Variants in SAP30BP observed in about 807,000 individuals in gnomAD.
SAP30BP encodes SAP30-binding protein.
Under a neutral mutation model 46.3 loss-of-function variants are expected in SAP30BP, and 31 were observed. That is an observed-to-expected ratio of 0.67 (90% CI 0.50 to 0.90). The LOEUF is 0.90. Among genes scored for constraint, SAP30BP ranks in the 40% least tolerant of loss-of-function variants. The pLI is 0.00. For missense variants in SAP30BP, 312 were observed against 391.0 expected, an observed-to-expected ratio of 0.80 and a Z score of 1.70; for synonymous variants, 169 against 144.2, an observed-to-expected ratio of 1.17 and a Z score of -1.23.
At chr17:75,672,394 C>T (rs970471372) in intron 3 of SAP30BP, among the ~76,000 whole-genome samples, 17 of 152,208 alleles carry the variant, frequency 1.1e-4, no homozygotes, top group Non-Finnish European at 1.9e-4. Flanking sequence ...TGGTCTTTTT[C>T]GGAACAACAT....
intron 1 of SAP30BP, among the ~76,000 whole-genome samples, 186 bp from the exon 2 acceptor site, chr17:75,668,330 A>G (rs1162239076): frequency 6.6e-6 from 1 of 152,236 alleles, no homozygotes; most frequent in Non-Finnish European, 1.5e-5. Flanking sequence ...GATTTTATTC[A>G]GTAAATGCTG....
chr17:75,679,907 AACATC>A (rs965542966), intron 3 of SAP30BP: 4 of 152,160 alleles, frequency 2.6e-5, no homozygotes, highest in African/African-American at 9.7e-5. Context: ...TTGGCACCCG[AACATC>A]CCTTTCGCCA....
intron 3 of SAP30BP, among the ~76,000 whole-genome samples, chr17:75,675,340 G>A (rs2059974636): frequency 6.6e-6 from 1 of 151,748 alleles, no homozygotes; most frequent in African/African-American, 2.4e-5. Flanking sequence ...TAGTAGAGAC[G>A]GGGTTTCACC....
chr17:75,685,943 A>G (rs991802000), intron 3 of SAP30BP, among the ~76,000 whole-genome samples: 5 of 113,146 alleles, frequency 4.4e-5, no homozygotes, highest in Admixed American at 8.8e-5. Flanking sequence ...AGTGTCTTGA[A>G]TCAAATGTAG....
At chr17:75,700,893 G>A (rs1034489271) in intron 5 of SAP30BP, among the ~76,000 whole-genome samples, 7 of 152,264 alleles carry the variant, frequency 4.6e-5, no homozygotes, top group African/African-American at 1.7e-4. Context: ...CATGACATTC[G>A]AGCAAACATT....
chr17:75,692,361 G>A, intron 3 of SAP30BP: 1 of 985,464 alleles, frequency 1.0e-6, no homozygotes, highest in Non-Finnish European at 1.2e-6. Flanking sequence ...GGGTCTTCCT[G>A]TCTCATCTCC....
intron 5 of SAP30BP, among the ~76,000 whole-genome samples, chr17:75,701,447 C>T (rs1429449140): frequency 6.6e-6 from 1 of 152,142 alleles, no homozygotes; most frequent in African/African-American, 2.4e-5. Flanking sequence ...GGGCAGGACC[C>T]CCTTCCTGAG....
intron 1 of SAP30BP, chr17:75,668,295 C>T: frequency 2.0e-6 from 1 of 489,026 alleles, no homozygotes; most frequent in Non-Finnish European, 3.6e-6. Context: ...ATTTAGTACT[C>T]GGTTTTGTTC....
intron 3 of SAP30BP, among the ~76,000 whole-genome samples, chr17:75,685,319 C>G (rs2060140938): frequency 6.6e-6 from 1 of 152,222 alleles, no homozygotes; most frequent in Non-Finnish European, 1.5e-5. Flanking sequence ...TCTGTATTTT[C>G]ATCCATGTCT....
At position 75,693,502 on chromosome 17, in the gene SAP30BP, G is replaced by C; in HGVS notation, c.307+20G>C. The C allele has an allele frequency of 1.9e-6, 3 of 1,611,736 alleles. No individual in the cohort carries two copies. The highest frequency in any genetic ancestry group is 2.5e-6 in the Non-Finnish European group (3 of 1,178,408). ...TCGTGGGTGAGTATTGGGGGATCCT[G>C]GGGGCACGTTTCTCAGCCTTGCTCC... On this transcript the variant is annotated intron_variant, in intron 4 of 10. Transcript: ENST00000584667.
intron 8 of SAP30BP, among the ~76,000 whole-genome samples, chr17:75,704,258 A>G (rs1283855363): frequency 6.6e-6 from 1 of 152,290 alleles, no homozygotes; most frequent in East Asian, 1.9e-4. Flanking sequence ...CAGTGAGAGG[A>G]TGGCTTTTTC....
chr17:75,690,435 C>G (rs938053659), intron 3 of SAP30BP, among the ~76,000 whole-genome samples: 3 of 152,150 alleles, frequency 2.0e-5, no homozygotes, highest in African/African-American at 7.2e-5. Flanking sequence ...GTCACCCAGG[C>G]TGGAGTGCAG....
At chr17:75,685,338 G>C (rs925553254) in intron 3 of SAP30BP, among the ~76,000 whole-genome samples, 1 of 152,182 alleles carries the variant, frequency 6.6e-6, no homozygotes, top group African/African-American at 2.4e-5. Context: ...CTCCTGAAAT[G>C]CTGCTGTGTG....
rs780323814 is a variant in SAP30BP at position 75,704,823 on chromosome 17, TG to T, written c.660+11del. On this transcript the variant is annotated intron_variant, in intron 9 of 10. Transcript: ENST00000584667. ...AAAAGGAGCGAACAAAAGTAAGTGA[TG>T]GCAGACCTCCTAGATGAAAAAGGCA... 3.1e-6 allele frequency: 5 copies of T among 1,609,724 alleles called. No individual in the cohort carries two copies. The African/African-American group carries it at 6.7e-5, about 22-fold the overall frequency.
At chr17:75,699,965 A>G in intron 5 of SAP30BP, 94 bp downstream of exon 5, 1 of 882,798 alleles carries the variant, frequency 1.1e-6, no homozygotes, top group Non-Finnish European at 1.8e-6. Flanking sequence ...CATGGCAGGG[A>G]AAGGGACTGA....
intron 3 of SAP30BP, chr17:75,684,902 A>T (rs1196689254): frequency 6.6e-6 from 1 of 152,246 alleles, no homozygotes. Flanking sequence ...TCACTACATC[A>T]TAAGCTGAAC....
intron 3 of SAP30BP, among the ~76,000 whole-genome samples, chr17:75,680,977 T>C (rs975998992): frequency 6.6e-6 from 1 of 150,992 alleles, no homozygotes; most frequent in African/African-American, 2.4e-5. Context: ...GAGGTTGCTG[T>C]GAGCCGAGAT....
chr17:75,676,876 T>C (rs2059998416), intron 3 of SAP30BP, among the ~76,000 whole-genome samples: 1 of 152,164 alleles, frequency 6.6e-6, no homozygotes, highest in Non-Finnish European at 1.5e-5. Flanking sequence ...TATGTATAGG[T>C]CTCAGTACTA....
In SAP30BP at chr17:75,667,441, T is replaced by C. The variant is rs2059806660; in HGVS notation, c.69T>C (p.Asp23=). The change falls in exon 1 of 11, where the codon GAT becomes GAC. Residue 23 remains aspartate (D), a synonymous_variant. Transcript: ENST00000584667. ...VYAEDSEPES[D]GEAGIEAVGS... is the part of the protein sequence containing the mutation. ...CGGAAGATTCAGAGCCCGAGTCTGA[T>C]GGCGAGGCTGGAATCGAGGCGGTGG... 3.1e-6 allele frequency: 5 copies of C among 1,614,176 alleles called. No homozygotes were observed. The highest frequency in any genetic ancestry group is 2.7e-5 in the African/African-American group (2 of 75,050).
Sources: allele counts gnomAD v4.1 joint callset (sites outside exome capture counted in the v4.1 genomes callset), GRCh38; gene constraint gnomAD v4.1.1; transcripts MANE v1.5; gene names NCBI Gene and HGNC (gene_info 2026-07-23, HGNC 2026-07-21).